The following TMEM11 variants were observed in gnomAD, a reference collection of about 807,000 sequenced individuals.
TMEM11 encodes transmembrane protein 11, mitochondrial.
In TMEM11, 1 loss-of-function variant was observed where a neutral mutation model predicts 17.0. The observed-to-expected ratio is 0.06, with a 90% CI of 0.02 to 0.28. The LOEUF is 0.28. Ranked by LOEUF, TMEM11 falls within the 10% of genes least tolerant of loss-of-function variation. The pLI is 1.00. For synonymous variants in TMEM11, 122 were observed against 118.1 expected (o/e 1.03, Z -0.21); for missense variants, 172 against 252.9 (o/e 0.68, Z 2.17).
chr17:21,199,174 T>C (rs1273017013), intron 1 of TMEM11, among the ~76,000 whole-genome samples: 1 of 150,532 alleles, frequency 6.6e-6, no homozygotes, highest in Non-Finnish European at 1.5e-5. Flanking sequence ...CAAAAAAAAA[T>C]TAGCCAGGTG....
At chr17:21,213,734 G>A (rs1975028751) in intron 1 of TMEM11, 1 of 271,798 alleles carries the variant, frequency 3.7e-6, no homozygotes, top group South Asian at 5.4e-5. Flanking sequence ...GCGTGCCCAG[G>A]CGGGAAGGGT....
intron 1 of TMEM11, among the ~76,000 whole-genome samples, chr17:21,208,731 G>A (rs1443164919): frequency 2.0e-5 from 3 of 152,202 alleles, no homozygotes; most frequent in African/African-American, 4.8e-5. Context: ...AGCTCCATGA[G>A]GGCAGAGGCT....
chr17:21,199,219 C>T (rs1396584978), intron 1 of TMEM11, among the ~76,000 whole-genome samples: 2 of 147,556 alleles, frequency 1.4e-5, no homozygotes, highest in Non-Finnish European at 3.0e-5. Context: ...GTAATCTACT[C>T]GGGAGGCTGA....
At chr17:21,204,122 TAA>T (rs61174663) in intron 1 of TMEM11, among the ~76,000 whole-genome samples, 241 of 138,152 alleles carry the variant, frequency 1.7e-3, no homozygotes, top group Non-Finnish European at 1.9e-3. Context: ...AGTCTATGTT[TAA>T]AAAAAAAAAA....
At chr17:21,213,845 G>T in intron 1 of TMEM11, 2 of 383,242 alleles carry the variant, frequency 5.2e-6, no homozygotes, top group Non-Finnish European at 9.5e-6. Context: ...GCCCCGCCCC[G>T]CATGGCCGCT....
chr17:21,199,459 G>C (rs1265299286), intron 1 of TMEM11, among the ~76,000 whole-genome samples: 1 of 152,122 alleles, frequency 6.6e-6, no homozygotes, highest in Non-Finnish European at 1.5e-5. Context: ...GGAGCCTAAA[G>C]GGGAAAGAAC....
intron 1 of TMEM11, chr17:21,211,159 G>C: frequency 7.8e-7 from 1 of 1,289,854 alleles, no homozygotes; most frequent in Non-Finnish European, 1.0e-6. Context: ...CCAGTGTGCT[G>C]AATTTTGGAC....
At position 21,199,939 on chromosome 17, in the gene TMEM11, G is replaced by A. The variant is rs535107398; in HGVS notation, c.63-1099C>T. Among the ~76,000 whole-genome samples the A allele has an allele frequency of 3.1e-4, 47 of 152,356 alleles. 4 individuals are homozygous for A. In the South Asian group the frequency reaches 9.7e-3, roughly 32 times the overall value. On this transcript the variant is annotated intron_variant, in intron 1 of 1. Coordinates refer to ENST00000317635, the MANE Select transcript of TMEM11 (RefSeq NM_003876.3). ...GAGGGGCTTCAAAACATCCAGCCCA[G>A]CAATGCCACCAATTCTGGCCCTGTA...
At chr17:21,205,879 C>T (rs142556482) in intron 1 of TMEM11, among the ~76,000 whole-genome samples, 3 of 152,142 alleles carry the variant, frequency 2.0e-5, no homozygotes, top group South Asian at 2.1e-4. Flanking sequence ...AGCATGTATC[C>T]GAATTTTCTT....
chr17:21,205,624 TACCA>T (rs1283702156), intron 1 of TMEM11, among the ~76,000 whole-genome samples: 1 of 152,058 alleles, frequency 6.6e-6, no homozygotes, highest in African/African-American at 2.4e-5. Flanking sequence ...CACACTGATG[TACCA>T]ACCATCACCA....
chr17:21,208,069 T>G (rs1280974135), intron 1 of TMEM11, among the ~76,000 whole-genome samples: 3 of 150,694 alleles, frequency 2.0e-5, no homozygotes, highest in Non-Finnish European at 4.4e-5. Context: ...CTTGGCTCAC[T>G]GCAAGCTCCG....
At chr17:21,206,528 ATTTTT>A (rs1349483060) in intron 1 of TMEM11, among the ~76,000 whole-genome samples, 2 of 151,526 alleles carry the variant, frequency 1.3e-5, no homozygotes, top group African/African-American at 4.8e-5. Context: ...CATTTTCTTT[ATTTTT>A]ATTTGTTTAT....
chr17:21,199,176 A>C (rs1974854165), intron 1 of TMEM11, among the ~76,000 whole-genome samples: 1 of 151,842 alleles, frequency 6.6e-6, no homozygotes, highest in East Asian at 1.9e-4. Flanking sequence ...AAAAAAAATT[A>C]GCCAGGTGTG....
In TMEM11 at chr17:21,198,603, G is replaced by T; in HGVS notation, c.300C>A (p.Pro100=). 2 of 1,614,036 alleles carry T rather than the reference G, an allele frequency of 1.2e-6. No homozygotes were observed. The highest frequency in any genetic ancestry group is 1.7e-6 in the Non-Finnish European group (2 of 1,179,960). ...TACLFTPLAL[P]LDYSHYISLP... ...GGGAAATGTAGTGGGAATAATCTAA[G>T]GGCAGCGCCAACGGGGTGAAGAGGC... Residue 100 remains proline, a synonymous_variant, in exon 2 of 2, where the codon CCC becomes CCA. Coordinates refer to ENST00000317635, the MANE Select transcript of TMEM11 (RefSeq NM_003876.3). The surrounding 1 kb of genome is among the most constrained non-coding windows in gnomAD (Gnocchi z 6.5).
At chr17:21,202,336 C>T (rs1010628147) in intron 1 of TMEM11, among the ~76,000 whole-genome samples, 7 of 152,192 alleles carry the variant, frequency 4.6e-5, no homozygotes, top group Non-Finnish European at 1.0e-4. Context: ...CTTCCTCCCT[C>T]AGGAACACTC....
At chr17:21,213,926 AC>A (rs1567638337) in intron 1 of TMEM11, 164 bp downstream of exon 1, 1 of 674,486 alleles carries the variant, frequency 1.5e-6, no homozygotes, top group Admixed American at 3.0e-5. Flanking sequence ...CCTCGCTCCC[AC>A]CCGGATCCCG....
chr17:21,211,209 TACAA>T, intron 1 of TMEM11: 1 of 1,289,798 alleles, frequency 7.8e-7, no homozygotes, highest in Non-Finnish European at 1.0e-6. Context: ...TGTTCTTCAT[TACAA>T]ACACTGTTGG....
chr17:21,205,556 G>A (rs1046598660), intron 1 of TMEM11, among the ~76,000 whole-genome samples: 9 of 152,038 alleles, frequency 5.9e-5, no homozygotes, highest in Non-Finnish European at 7.4e-5. Context: ...TAAAATACAC[G>A]TAAAATATAC....
chr17:21,204,036 C>T (rs543998091), intron 1 of TMEM11, among the ~76,000 whole-genome samples: 66 of 137,856 alleles, frequency 4.8e-4, no homozygotes, highest in Middle Eastern at 4.2e-3. Flanking sequence ...ATCTTTTGAG[C>T]CCTGGGCTTC....
Sources: gnomAD v4.1 joint callset for allele counts (sites outside exome capture counted in the v4.1 genomes callset) on GRCh38, gnomAD v4.1.1 for gene constraint, Gnocchi (gnomAD v3.1) non-coding constraint, MANE v1.5 for transcripts, NCBI Gene and HGNC (gene_info 2026-07-23, HGNC 2026-07-21) for gene names.